Variants in UBAP2 observed in about 807,000 individuals in gnomAD.
The protein encoded by UBAP2 is ubiquitin-associated protein 2.
In UBAP2, 75 loss-of-function variants were observed where a neutral mutation model predicts 139.6. That is an observed-to-expected ratio of 0.54 (90% CI 0.45 to 0.65). UBAP2 has a LOEUF of 0.65. Among genes scored for constraint, UBAP2 ranks in the 30% least tolerant of loss-of-function variants. UBAP2 has a pLI of 0.00. For missense variants in UBAP2, 1,368 were observed against 1,369.6 expected (o/e 1.00, Z 0.02); for synonymous variants, 526 against 526.2 (o/e 1.00, Z 0.01).
intron 2 of UBAP2, among the ~76,000 whole-genome samples, chr9:34,003,070 T>C (rs1314747313): frequency 4.0e-5 from 6 of 151,810 alleles, no homozygotes; most frequent in Non-Finnish European, 8.8e-5. Context: ...TTTTTTTTTT[T>C]CTTTTTTTGA....
intron 17 of UBAP2, 84 bp from the exon 18 acceptor site, chr9:33,933,712 T>C: frequency 6.4e-7 from 1 of 1,551,854 alleles, no homozygotes; most frequent in Non-Finnish European, 8.7e-7. Context: ...GCTCAATATC[T>C]TGTGACATGT....
At chr9:34,031,274 T>C (rs1297730086) in intron 1 of UBAP2, among the ~76,000 whole-genome samples, 8 of 138,028 alleles carry the variant, frequency 5.8e-5, no homozygotes, top group African/African-American at 8.1e-5. Context: ...CAAAACTCAG[T>C]CTCAAAAAAA....
chr9:33,999,316 A>T (rs1272516762), intron 2 of UBAP2, among the ~76,000 whole-genome samples: 3 of 151,876 alleles, frequency 2.0e-5, no homozygotes, highest in African/African-American at 7.3e-5. Context: ...TTTAATTTTT[A>T]AAAAGATTAA....
chr9:34,014,311 A>G (rs1029183222), intron 2 of UBAP2, among the ~76,000 whole-genome samples: 1 of 118,768 alleles, frequency 8.4e-6, no homozygotes, highest in Non-Finnish European at 1.6e-5. Context: ...TGGGCTACAG[A>G]GCGAGACTGT....
intron 1 of UBAP2, among the ~76,000 whole-genome samples, chr9:34,048,324 AAGT>A (rs1474030771): frequency 1.3e-5 from 2 of 152,224 alleles, no homozygotes; most frequent in Non-Finnish European, 2.9e-5. Flanking sequence ...AATTGAAAAG[AAGT>A]AGAACTGAAC....
At chr9:34,009,686 C>T (rs964966886) in intron 2 of UBAP2, among the ~76,000 whole-genome samples, 1 of 152,086 alleles carries the variant, frequency 6.6e-6, no homozygotes, top group Non-Finnish European at 1.5e-5. Flanking sequence ...TCTCGAACTC[C>T]TGGACTCAAG....
At chr9:33,976,031 C>T (rs1167331215) in intron 6 of UBAP2, among the ~76,000 whole-genome samples, 1 of 152,028 alleles carries the variant, frequency 6.6e-6, no homozygotes, top group African/African-American at 2.4e-5. Flanking sequence ...GCCTGGGCAA[C>T]AAAGCGAGAT....
intron 25 of UBAP2, 27 bp from the exon 26 acceptor site, chr9:33,923,320 G>C: frequency 6.2e-7 from 1 of 1,613,986 alleles, no homozygotes; most frequent in Non-Finnish European, 8.5e-7. Flanking sequence ...CAAGAGGCAA[G>C]TGTGAGCCAG....
At position 34,035,514 on chromosome 9, in the gene UBAP2, A is replaced by AAAAAAAATATATATATATATATATATAT; in HGVS notation, c.-42+13310_-42+13311insATATATATATATATATATATATTTTTTT. The stretch of plus-strand genomic sequence containing the variant: ...GAGACTCCATCTAAAAAAAAAAAAA[A>AAAAAAAATATATATATATATATATATAT]ATATATATATATAAAGATTAGCCAG... On this transcript the variant is annotated intron_variant, in intron 1 of 28. Transcript: ENST00000379238. Among the ~76,000 whole-genome samples the AAAAAAAATATATATATATATATATATAT allele has an allele frequency of 1.2e-3, 28 of 22,460 alleles. 1 individual carries two copies. Among genetic ancestry groups the AAAAAAAATATATATATATATATATATAT allele is most frequent in the African/African-American group, 3.2e-3 (25 of 7,828 alleles). The allele number at this position is 22,460 out of a possible 152,430, so 14.7% of individuals were successfully genotyped here.
intron 2 of UBAP2, among the ~76,000 whole-genome samples, chr9:34,014,324 CAAA>C (rs1170182976): frequency 7.9e-3 from 440 of 55,644 alleles, no homozygotes; most frequent in African/African-American, 0.028. Context: ...GAGACTGTCT[CAAA>C]AAAAAAAAAA....
At chr9:34,005,221 C>A (rs1427441360) in intron 2 of UBAP2, among the ~76,000 whole-genome samples, 1 of 150,508 alleles carries the variant, frequency 6.6e-6, no homozygotes, top group East Asian at 1.9e-4. Flanking sequence ...TGAGATCTCA[C>A]CACTGTACTC....
intron 8 of UBAP2, among the ~76,000 whole-genome samples, chr9:33,966,722 G>T (rs1024018559): frequency 2.0e-5 from 3 of 151,938 alleles, no homozygotes; most frequent in Non-Finnish European, 4.4e-5. Context: ...ACTAAAAAAA[G>T]TACTGTTTTT....
chr9:34,048,891 T>G (rs1400030763), upstream of UBAP2: 3 of 151,888 alleles, frequency 2.0e-5, no homozygotes, highest in Admixed American at 1.3e-4. Context: ...CCAATGTGCC[T>G]CTTACAAAGC....
intron 17 of UBAP2, 83 bp downstream of exon 17, chr9:33,935,756 T>C (rs746235158): frequency 2.0e-6 from 3 of 1,512,374 alleles, no homozygotes; most frequent in Non-Finnish European, 1.8e-6. Flanking sequence ...GACCAACTGG[T>C]GTTTTCCACA....
At chr9:33,923,691 A>C in intron 24 of UBAP2, 104 bp downstream of exon 24, 1 of 1,261,952 alleles carries the variant, frequency 7.9e-7, no homozygotes, top group South Asian at 1.3e-5. Context: ...GGTAAGACGG[A>C]GTGGAATCAC....
chr9:34,016,854 G>A (rs926253282), intron 2 of UBAP2, among the ~76,000 whole-genome samples, 196 bp downstream of exon 2: 10 of 151,894 alleles, frequency 6.6e-5, no homozygotes, highest in African/African-American at 1.9e-4. Context: ...CACCGCACCC[G>A]GCCATCACCT....
intron 10 of UBAP2, among the ~76,000 whole-genome samples, chr9:33,958,168 C>T (rs1297319323): frequency 1.3e-5 from 2 of 152,150 alleles, no homozygotes; most frequent in Non-Finnish European, 2.9e-5. Context: ...CCCTATGTTG[C>T]CCAGGCTGCA....
chr9:34,001,713 T>C (rs1046507942), intron 2 of UBAP2, among the ~76,000 whole-genome samples: 2 of 152,190 alleles, frequency 1.3e-5, no homozygotes, highest in Non-Finnish European at 2.9e-5. Flanking sequence ...GAAGCCTGTA[T>C]GAAGAGTTTG....
At chr9:33,952,120 C>T (rs531623799) in intron 12 of UBAP2, among the ~76,000 whole-genome samples, 2 of 152,258 alleles carry the variant, frequency 1.3e-5, no homozygotes, top group East Asian at 1.9e-4. Context: ...CGATTTGACT[C>T]GGGAGAAAAT....
Sources: gnomAD v4.1 joint callset for allele counts (sites outside exome capture counted in the v4.1 genomes callset) on GRCh38, gnomAD v4.1.1 for gene constraint, MANE v1.5 for transcripts, NCBI Gene and HGNC (gene_info 2026-07-23, HGNC 2026-07-21) for gene names.